Variants in STAG3 observed in about 807,000 individuals in gnomAD.
The protein encoded by STAG3 is cohesin subunit SA-3.
A neutral mutation model predicts 160.7 loss-of-function variants in STAG3; 101 were observed. That is an observed-to-expected ratio of 0.63 (90% CI 0.54 to 0.74). The LOEUF (loss-of-function observed/expected upper bound fraction) is 0.74, where lower values mean the gene tolerates loss of function less well. STAG3 is among the 30% of genes least tolerant of loss of function. STAG3 has a pLI of 0.00. For synonymous variants in STAG3, 519 were observed against 585.0 expected, an observed-to-expected ratio of 0.89 and a Z score of 1.63; for missense variants, 1,188 against 1,517.4, an observed-to-expected ratio of 0.78 and a Z score of 3.61.
At chr7:100,215,821 C>T (rs1026283825), downstream of STAG3, among the ~76,000 whole-genome samples, 1 of 152,124 alleles carries the variant, frequency 6.6e-6, no homozygotes, top group South Asian at 2.1e-4. Context: ...CTTTGTGATG[C>T]TTGACTAATA....
intron 17 of STAG3, 45 bp downstream of exon 17, chr7:100,200,373 G>C: frequency 6.2e-7 from 1 of 1,613,052 alleles, no homozygotes; most frequent in Non-Finnish European, 8.5e-7. Flanking sequence ...AGAAGTGAAA[G>C]GAAATGGCCT....
Position 100,211,895 on chromosome 7 carries a change from C to T in STAG3, c.3600+19C>T. 6.2e-7 allele frequency: 1 copy of T among 1,611,748 alleles called. No homozygotes were observed. The highest frequency in any genetic ancestry group is 8.5e-7 in the Non-Finnish European group (1 of 1,178,750). ...AGACATGGTGAGTAGACCACCCTGC[C>T]CTTCTCTCTCAAGAACTAGGGGCTG... On this transcript the variant is annotated intron_variant, in intron 32 of 33. Coordinates refer to ENST00000615138, the MANE Select transcript of STAG3 (RefSeq NM_001282717.2).
downstream of STAG3, among the ~76,000 whole-genome samples, chr7:100,216,194 G>A (rs1802735096): frequency 6.6e-6 from 1 of 152,164 alleles, no homozygotes. Context: ...AGCATAGTAA[G>A]ATGTAAAGCA....
rs1193324374 is a variant in STAG3, at chr7:100,207,462, T to C, written c.3238+2078T>C. Among the ~76,000 whole-genome samples the C allele has an allele frequency of 6.6e-6, 1 of 152,220 alleles. No individual in the cohort carries two copies. Among genetic ancestry groups the C allele is most frequent in the Non-Finnish European group, 1.5e-5 (1 of 68,038 alleles). The stretch of plus-strand genomic sequence containing the variant: ...ATTGTGGTTTAAATTTGCATTTCCC[T>C]AATGACAAATGGTATTGAGCATCTT... On this transcript the variant is annotated intron_variant, in intron 29 of 33. Transcript: ENST00000615138. This position sits in a 1 kb window ranked among gnomAD's most constrained non-coding sequence, Gnocchi z 4.0.
chr7:100,198,156 C>G lies in STAG3; in HGVS notation c.1234C>G (p.Leu412Val), dbSNP rs780404562. ...VAVEAVRLLI[L>V]ILKNMEGVLT... is the part of the protein sequence containing the mutation. ...AGTGGAGGCTGTCAGATTACTGATA[C>G]TTATCCTTAAGTGAGTCCTGGGAAG... Residue 412 changes from leucine to valine, a missense_variant, in exon 12 of 34, where the codon CTT (leucine) becomes GTT (valine). Physicochemically the swap from Leu to Val is conservative, Grantham distance 32 (BLOSUM62 1). Around this residue, in one of 4 missense-constraint regions of STAG3, gnomAD observed 240 missense variants for 358.1 expected, o/e 0.67. Transcript: ENST00000615138. 1.9e-6 allele frequency: 3 copies of G among 1,613,910 alleles called. No homozygotes were observed. The South Asian group carries it at 3.3e-5, about 18-fold the overall frequency.
At chr7:100,205,650 T>C (rs944542225) in intron 29 of STAG3, among the ~76,000 whole-genome samples, 1 of 151,934 alleles carries the variant, frequency 6.6e-6, no homozygotes, top group East Asian at 1.9e-4. Context: ...GCCAAGATGG[T>C]GAAACCCCGT....
chr7:100,180,730 G>A (rs1799593097), intron 2 of STAG3, 58 bp downstream of exon 2: 7 of 1,043,272 alleles, frequency 6.7e-6, no homozygotes, highest in Middle Eastern at 2.1e-4. Context: ...CTTCCCCCTC[G>A]TTTTCCCACA....
At chr7:100,193,027 G>A (rs1015872215) in intron 8 of STAG3, among the ~76,000 whole-genome samples, 4 of 152,206 alleles carry the variant, frequency 2.6e-5, no homozygotes, top group African/African-American at 9.7e-5. Context: ...CAAAATGGAT[G>A]TTGTGTTAGT....
At chr7:100,204,604 T>G in intron 26 of STAG3, 23 bp from the exon 27 acceptor site, 1 of 1,607,346 alleles carries the variant, frequency 6.2e-7, no homozygotes, top group Non-Finnish European at 8.5e-7. Context: ...CTTTCCCACA[T>G]GCACCATGTC....
downstream of STAG3, among the ~76,000 whole-genome samples, chr7:100,216,939 C>G (rs1802804375): frequency 6.6e-6 from 1 of 152,022 alleles, no homozygotes; most frequent in Admixed American, 6.6e-5. Flanking sequence ...GACTTGTGAA[C>G]AGGTCAGAGG....
At chr7:100,188,664 C>A in intron 6 of STAG3, 135 bp downstream of exon 6, 1 of 1,086,592 alleles carries the variant, frequency 9.2e-7, no homozygotes, top group Non-Finnish European at 1.4e-6. Flanking sequence ...TAAAAGAGAT[C>A]TGAATATGCC....
chr7:100,196,563 A>G (rs903900388), intron 9 of STAG3, among the ~76,000 whole-genome samples: 2 of 152,204 alleles, frequency 1.3e-5, no homozygotes, highest in Non-Finnish European at 2.9e-5. Flanking sequence ...AGGCCAAGAC[A>G]GGCAGATCAC....
chr7:100,201,810 G>A lies in STAG3; in HGVS notation c.2245G>A (p.Val749Ile). 1 of 1,614,086 alleles carries A rather than the reference G, an allele frequency of 6.2e-7. No homozygotes were observed. Among genetic ancestry groups the A allele is most frequent in the Non-Finnish European group, 8.5e-7 (1 of 1,180,018 alleles). Residue 749 changes from valine (V) to isoleucine (I), a missense_variant, in exon 22 of 34, where the codon GTC becomes ATC. Val to Ile is a conservative substitution (Grantham distance 29). Around this residue, in one of 4 missense-constraint regions of STAG3, gnomAD observed 647 missense variants for 717.2 expected, o/e 0.90. Coordinates refer to ENST00000615138, the MANE Select transcript of STAG3 (RefSeq NM_001282717.2). Reference sequence around the variant, plus strand: ...GGTTATCCTGCCAGCCTTGACTCTTGTCTATTTTTCCATTCTCTGGACACT... The same window carrying A: ...GGTTATCCTGCCAGCCTTGACTCTTATCTATTTTTCCATTCTCTGGACACT... ...HQVILPALTL[V>I]YFSILWTLTH...
chr7:100,195,967 T>C (rs949864884), intron 9 of STAG3, among the ~76,000 whole-genome samples: 2 of 151,956 alleles, frequency 1.3e-5, no homozygotes, highest in African/African-American at 4.8e-5. Flanking sequence ...CCATCTCTAC[T>C]GAAAATACAA....
At chr7:100,217,940 C>T (rs1236687704), downstream of STAG3, among the ~76,000 whole-genome samples, 2 of 150,960 alleles carry the variant, frequency 1.3e-5, no homozygotes, top group Non-Finnish European at 3.0e-5. Context: ...CTCCGGATGG[C>T]TGTGGGCGGG....
At position 100,197,822 on chromosome 7, in the gene STAG3, G is replaced by C. The variant is rs1584710923; in HGVS notation, c.1110G>C (p.Leu370=). ...RLKCVKALKG[L]YGNRDLTTRL... is the part of the protein sequence containing the mutation. The stretch of plus-strand genomic sequence containing the variant: ...AGTGTGTGAAGGCCCTGAAAGGGCT[G>C]TACGGTAACCGGGACCTGACCACAC... Residue 370 remains leucine (L), a synonymous_variant, in exon 11 of 34, where the codon CTG becomes CTC. Transcript: ENST00000615138. The C allele has an allele frequency of 6.2e-7, 1 of 1,613,772 alleles. No individual in the cohort carries two copies. The highest frequency in any genetic ancestry group is 1.3e-5 in the African/African-American group (1 of 74,822).
At chr7:100,186,399 G>A in intron 5 of STAG3, 103 bp downstream of exon 5, 2 of 1,148,496 alleles carry the variant, frequency 1.7e-6, no homozygotes, top group East Asian at 2.4e-5. Context: ...CCTAAATAAA[G>A]GAAGATGGTA....
At chr7:100,217,831 C>A (rs1034999807), downstream of STAG3, among the ~76,000 whole-genome samples, 7 of 152,112 alleles carry the variant, frequency 4.6e-5, no homozygotes, top group African/African-American at 7.2e-5. Flanking sequence ...AATTCTGCTA[C>A]TGCCATCTAG....
intron 4 of STAG3, among the ~76,000 whole-genome samples, chr7:100,184,948 C>A (rs1408069800): frequency 6.6e-6 from 1 of 151,994 alleles, no homozygotes; most frequent in Non-Finnish European, 1.5e-5. Context: ...CCCTGGAGTT[C>A]TTATGTGTTG....
Sources: allele counts gnomAD v4.1 joint callset (sites outside exome capture counted in the v4.1 genomes callset), GRCh38; gene constraint gnomAD v4.1.1; regional missense constraint gnomAD v4.1.1; non-coding constraint Gnocchi (gnomAD v3.1); transcripts MANE v1.5; gene names NCBI Gene and HGNC (gene_info 2026-07-23, HGNC 2026-07-21).